The following TMEM108 variants were observed in gnomAD, a reference collection of about 807,000 sequenced individuals.
TMEM108 encodes transmembrane protein 108.
TMEM108 carries 12 observed loss-of-function variants against 35.1 expected under a neutral mutation model. The observed-to-expected ratio is 0.34, with a 90% CI of 0.22 to 0.55. The LOEUF (loss-of-function observed/expected upper bound fraction) is 0.55. TMEM108 is among the 20% of genes least tolerant of loss of function. TMEM108 has a pLI of 0.89. For missense variants in TMEM108, 680 were observed against 753.3 expected (o/e 0.90, Z 1.14); for synonymous variants, 287 against 308.6 (o/e 0.93, Z 0.73).
chr3:133,158,395 G>C (rs550122227), intron 2 of TMEM108, among the ~76,000 whole-genome samples: 1 of 150,170 alleles, frequency 6.7e-6, no homozygotes, highest in South Asian at 2.1e-4. Flanking sequence ...TTAAACCCAG[G>C]AGGCGGAGGT....
intron 3 of TMEM108, among the ~76,000 whole-genome samples, chr3:133,377,688 G>A (rs1222910255): frequency 6.6e-6 from 1 of 152,242 alleles, no homozygotes; most frequent in Admixed American, 6.5e-5. Context: ...TGCTGTCGGT[G>A]TGTGGTCTAG....
At chr3:133,375,818 T>G (rs2072818817) in intron 3 of TMEM108, among the ~76,000 whole-genome samples, 1 of 152,204 alleles carries the variant, frequency 6.6e-6, no homozygotes, top group Admixed American at 6.5e-5. Context: ...CAACCAGCAA[T>G]GTGTTCTTGG....
intron 2 of TMEM108, among the ~76,000 whole-genome samples, chr3:133,066,108 T>TAGG (rs1017186499): frequency 2.1e-4 from 32 of 152,286 alleles, no homozygotes; most frequent in African/African-American, 7.5e-4. Flanking sequence ...CATTCCTTAT[T>TAGG]AGATTCCCAT....
chr3:133,044,254 A>G (rs1454650805), intron 1 of TMEM108, among the ~76,000 whole-genome samples: 3 of 151,976 alleles, frequency 2.0e-5, no homozygotes, highest in Admixed American at 1.3e-4. Flanking sequence ...TTATTTTGAG[A>G]TTTTGGGGGC....
At chr3:133,364,354 G>A (rs1288858312) in intron 3 of TMEM108, among the ~76,000 whole-genome samples, 2 of 152,250 alleles carry the variant, frequency 1.3e-5, no homozygotes, top group African/African-American at 4.8e-5. Context: ...GTAAGTGTGT[G>A]CTGGATGAAT....
intron 2 of TMEM108, among the ~76,000 whole-genome samples, chr3:133,095,300 C>T (rs921045464): frequency 1.3e-5 from 2 of 152,046 alleles, no homozygotes; most frequent in African/African-American, 4.8e-5. Flanking sequence ...GTGTAGAAAG[C>T]TTGTCCAAGT....
At chr3:133,188,379 G>A (rs184935262) in intron 2 of TMEM108, among the ~76,000 whole-genome samples, 233 of 151,134 alleles carry the variant, frequency 1.5e-3, no homozygotes, top group African/African-American at 5.4e-3. Context: ...ACATTTGTGG[G>A]TGGGTTCCAG....
chr3:133,065,669 T>A (rs771760327), intron 2 of TMEM108, among the ~76,000 whole-genome samples: 8 of 152,076 alleles, frequency 5.3e-5, no homozygotes, highest in East Asian at 1.9e-4. Context: ...TTATTAAATT[T>A]AAAAAAAATT....
chr3:133,167,456 C>T (rs1192692032), intron 2 of TMEM108, among the ~76,000 whole-genome samples: 4 of 152,242 alleles, frequency 2.6e-5, no homozygotes, highest in Non-Finnish European at 4.4e-5. Flanking sequence ...GGGTGGTGCC[C>T]GTCAGGGAAG....
rs556632906 is a variant in TMEM108, at chr3:133,136,144, AT to A, written c.-47+90128del. 8.5e-5 allele frequency among the ~76,000 whole-genome samples: 13 copies of A among 152,324 alleles called. No homozygotes were observed. The South Asian group carries it at 2.5e-3, about 29-fold the overall frequency. ...TAAATAATAGTTGGGGTGCAGTTAC[AT>A]TTTAAGTCAGAAACTTGAAATGTAG... On this transcript the variant is annotated intron_variant, in intron 2 of 5. Transcript: ENST00000321871.
At chr3:133,359,240 A>G (rs1187958891) in intron 3 of TMEM108, among the ~76,000 whole-genome samples, 1 of 152,224 alleles carries the variant, frequency 6.6e-6, no homozygotes, top group Non-Finnish European at 1.5e-5. Context: ...AGAAAATTCT[A>G]TAGTCAAATC....
At chr3:133,360,701 T>C (rs921816954) in intron 3 of TMEM108, among the ~76,000 whole-genome samples, 1 of 152,172 alleles carries the variant, frequency 6.6e-6, no homozygotes, top group Non-Finnish European at 1.5e-5. Flanking sequence ...AGTCCCTCTG[T>C]TTTCTGGAAC....
At chr3:133,259,702 C>T (rs2107674661) in intron 3 of TMEM108, among the ~76,000 whole-genome samples, 1 of 152,246 alleles carries the variant, frequency 6.6e-6, no homozygotes, top group Non-Finnish European at 1.5e-5. Flanking sequence ...CCTTTGGGTC[C>T]CGATACAGGG....
intron 2 of TMEM108, chr3:133,119,009 G>C (rs1944319630): frequency 6.6e-6 from 1 of 152,120 alleles, no homozygotes. Flanking sequence ...TATCAAATGA[G>C]GTAATGTTTG....
At chr3:133,103,280 G>T (rs974021583) in intron 2 of TMEM108, among the ~76,000 whole-genome samples, 1 of 152,282 alleles carries the variant, frequency 6.6e-6, no homozygotes, top group African/African-American at 2.4e-5. Context: ...CATGTCTTTT[G>T]CAGGGACATG....
chr3:133,238,280 A>G lies in TMEM108; in HGVS notation c.40+8929A>G, dbSNP rs544584073. On this transcript the variant is annotated intron_variant, in intron 3 of 5. Coordinates refer to ENST00000321871, the MANE Select transcript of TMEM108 (RefSeq NM_023943.4). ...TCAGGCATGGGAATTCTATTTCATCATCCATTCCTTTGTTTCCAGTCTAAT... is the reference window on the plus strand; with the variant it reads ...TCAGGCATGGGAATTCTATTTCATCGTCCATTCCTTTGTTTCCAGTCTAAT... Among the ~76,000 whole-genome samples the G allele has an allele frequency of 7.9e-5, 12 of 152,072 alleles. No individual in the cohort carries two copies. The South Asian group carries it at 2.5e-3, about 32-fold the overall frequency.
At chr3:133,267,897 T>C (rs539448033) in intron 3 of TMEM108, among the ~76,000 whole-genome samples, 2 of 152,348 alleles carry the variant, frequency 1.3e-5, no homozygotes, top group African/African-American at 2.4e-5. Context: ...ATATCTTTTA[T>C]GTAATAACCT....
chr3:133,161,385 A>G (rs188662793), intron 2 of TMEM108, among the ~76,000 whole-genome samples: 2 of 151,980 alleles, frequency 1.3e-5, no homozygotes, highest in African/African-American at 4.8e-5. Flanking sequence ...ATATTTGTCT[A>G]TTGTCTCTGT....
chr3:133,174,305 T>C (rs1576361189), intron 2 of TMEM108, among the ~76,000 whole-genome samples: 1 of 152,218 alleles, frequency 6.6e-6, no homozygotes, highest in African/African-American at 2.4e-5. Flanking sequence ...TAAATGTCCC[T>C]GTCTGACAGC....
Sources: gnomAD v4.1 joint callset for allele counts (sites outside exome capture counted in the v4.1 genomes callset) on GRCh38, gnomAD v4.1.1 for gene constraint, MANE v1.5 for transcripts, NCBI Gene and HGNC (gene_info 2026-07-23, HGNC 2026-07-21) for gene names.